SNTG2: variants seen among roughly 807,000 people sequenced by gnomAD.
SNTG2 encodes gamma-2-syntrophin.
A neutral mutation model predicts 70.9 loss-of-function variants in SNTG2; 74 were observed. That is an observed-to-expected ratio of 1.04 (90% CI 0.86 to 1.27). The LOEUF (loss-of-function observed/expected upper bound fraction) is 1.27, where lower values mean the gene tolerates loss of function less well. Among genes scored for constraint, SNTG2 ranks in the 50% most tolerant of loss-of-function variants. The pLI, the probability that SNTG2 is intolerant of heterozygous loss-of-function variation, is 0.00. For synonymous variants in SNTG2, 278 were observed against 273.8 expected (o/e 1.02, Z -0.15); for missense variants, 717 against 690.7 (o/e 1.04, Z -0.43).
intron 2 of SNTG2, among the ~76,000 whole-genome samples, chr2:1,090,427 A>T (rs1362986416): frequency 1.3e-5 from 2 of 152,226 alleles, no homozygotes; most frequent in Non-Finnish European, 2.9e-5. Flanking sequence ...AGCAAACTTG[A>T]TTCTTGCTTC....
At chr2:1,235,979 A>G (rs1676628487) in intron 9 of SNTG2, among the ~76,000 whole-genome samples, 1 of 152,150 alleles carries the variant, frequency 6.6e-6, no homozygotes, top group Non-Finnish European at 1.5e-5. Context: ...TCAATGTAAA[A>G]TATGCCTAAA....
At chr2:1,005,875 A>G (rs7598870) in intron 1 of SNTG2, among the ~76,000 whole-genome samples, 10 of 25,794 alleles carry the variant, frequency 3.9e-4, no homozygotes, top group Non-Finnish European at 7.9e-4. Flanking sequence ...ATATATATAT[A>G]AACGTTGACA....
chr2:1,127,187 C>G (rs549115712), intron 4 of SNTG2, among the ~76,000 whole-genome samples: 8 of 151,778 alleles, frequency 5.3e-5, no homozygotes, highest in Admixed American at 1.3e-4. Flanking sequence ...AGTGAATAGC[C>G]AGTTCTCCCA....
chr2:1,177,540 A>T (rs1236991695), intron 8 of SNTG2, among the ~76,000 whole-genome samples: 1 of 152,088 alleles, frequency 6.6e-6, no homozygotes. Context: ...AAAGAAAATG[A>T]TAGTAAAATT....
At chr2:1,298,312 T>C (rs1680309089) in intron 14 of SNTG2, among the ~76,000 whole-genome samples, 3 of 151,942 alleles carry the variant, frequency 2.0e-5, no homozygotes, top group Non-Finnish European at 4.4e-5. Flanking sequence ...TTTTGTATTT[T>C]TGGTAGAGAT....
intron 9 of SNTG2, among the ~76,000 whole-genome samples, chr2:1,221,825 C>CTA (rs1163645034): frequency 6.3e-5 from 1 of 15,932 alleles, no homozygotes; most frequent in Non-Finnish European, 1.0e-4. Flanking sequence ...GTCTCTGTCT[C>CTA]TCTCTGTCTC....
At chr2:1,103,783 C>A (rs1665946666) in intron 4 of SNTG2, among the ~76,000 whole-genome samples, 1 of 152,178 alleles carries the variant, frequency 6.6e-6, no homozygotes, top group Non-Finnish European at 1.5e-5. Flanking sequence ...CAGGCGCACA[C>A]TCATTGAATC....
chr2:1,037,562 C>T lies in SNTG2; in HGVS notation c.73-45956C>T, dbSNP rs577668993. ...CCTGCTTTTTGCCTCTCTGGATTTG[C>T]GACTTCTGAGGCTTTATATACACAG... On this transcript the variant is annotated intron_variant, in intron 1 of 16. Transcript: ENST00000308624. Among the ~76,000 whole-genome samples, 105 of 152,212 alleles carry T rather than the reference C, an allele frequency of 6.9e-4. 1 individual carries two copies. The highest frequency in any genetic ancestry group is 2.4e-3 in the African/African-American group (100 of 41,538).
chr2:1,024,064 T>C (rs972768746), intron 1 of SNTG2, among the ~76,000 whole-genome samples: 3 of 152,200 alleles, frequency 2.0e-5, no homozygotes, highest in Non-Finnish European at 4.4e-5. Context: ...ACAACAGTCC[T>C]GCTCTCGTGG....
intron 16 of SNTG2, among the ~76,000 whole-genome samples, chr2:1,364,583 G>A (rs1168252828): frequency 8.1e-6 from 1 of 123,370 alleles, no homozygotes; most frequent in African/African-American, 2.9e-5. Flanking sequence ...ATGAAACCCT[G>A]TCTCCACTAA....
At chr2:1,178,831 G>A (rs1286953061) in intron 8 of SNTG2, among the ~76,000 whole-genome samples, 7 of 152,198 alleles carry the variant, frequency 4.6e-5, no homozygotes, top group Admixed American at 2.0e-4. Flanking sequence ...ATGAGTTAGG[G>A]AGGATTCCCT....
At chr2:1,118,783 TGAA>T (rs1233160170) in intron 4 of SNTG2, among the ~76,000 whole-genome samples, 5 of 151,868 alleles carry the variant, frequency 3.3e-5, no homozygotes, top group Non-Finnish European at 4.4e-5. Flanking sequence ...AGCAATCAGA[TGAA>T]GAAAGTTCTG....
At chr2:968,305 T>C (rs1351428242) in intron 1 of SNTG2, among the ~76,000 whole-genome samples, 1 of 141,544 alleles carries the variant, frequency 7.1e-6, no homozygotes, top group African/African-American at 2.7e-5. Context: ...TTAAAGTCTA[T>C]AGGTTCTGTG....
At chr2:1,328,069 C>T (rs1244217015) in intron 16 of SNTG2, among the ~76,000 whole-genome samples, 1 of 151,948 alleles carries the variant, frequency 6.6e-6, no homozygotes, top group African/African-American at 2.4e-5. Flanking sequence ...GCAAGGGGGG[C>T]GAGGGATGCC....
At chr2:1,065,647 G>C (rs979627888) in intron 1 of SNTG2, among the ~76,000 whole-genome samples, 5 of 152,192 alleles carry the variant, frequency 3.3e-5, no homozygotes, top group Non-Finnish European at 7.3e-5. Flanking sequence ...GCAATACGTT[G>C]CAAATCATGA....
chr2:977,559 C>T (rs1167551109), intron 1 of SNTG2, among the ~76,000 whole-genome samples: 1 of 152,206 alleles, frequency 6.6e-6, no homozygotes, highest in Non-Finnish European at 1.5e-5. Context: ...AATAAAATAA[C>T]CGACAGCTTC....
intron 4 of SNTG2, among the ~76,000 whole-genome samples, chr2:1,124,262 A>C (rs1258072306): frequency 6.6e-6 from 1 of 151,822 alleles, no homozygotes; most frequent in East Asian, 1.9e-4. Context: ...GTCAATTACA[A>C]TTTGAAAATA....
chr2:1,190,290 A>G (rs1440940021), intron 8 of SNTG2, among the ~76,000 whole-genome samples: 3 of 151,838 alleles, frequency 2.0e-5, no homozygotes, highest in East Asian at 1.9e-4. Flanking sequence ...TCTCCCATAT[A>G]CTTTTAATCA....
intron 4 of SNTG2, among the ~76,000 whole-genome samples, chr2:1,132,246 T>TAC (rs777211543): frequency 6.5e-4 from 98 of 151,118 alleles, no homozygotes; most frequent in East Asian, 1.2e-3. Context: ...TGTATATATA[T>TAC]ACACACACAC....
Sources: gnomAD v4.1 joint callset for allele counts (sites outside exome capture counted in the v4.1 genomes callset) on GRCh38, gnomAD v4.1.1 for gene constraint, MANE v1.5 for transcripts, NCBI Gene and HGNC (gene_info 2026-07-23, HGNC 2026-07-21) for gene names.